Variants in SEPTIN12 observed in about 807,000 individuals in gnomAD.
The protein encoded by SEPTIN12 is septin 12.
SEPTIN12 carries 42 observed loss-of-function variants against 37.7 expected under a neutral mutation model. The ratio of observed to expected loss-of-function variants is 1.11; its 90% CI spans 0.87 to 1.44. SEPTIN12 has a LOEUF of 1.44. SEPTIN12 is among the 40% of genes most tolerant of loss of function. SEPTIN12 has a pLI of 0.00. For missense variants in SEPTIN12, 613 were observed against 479.2 expected, an observed-to-expected ratio of 1.28 and a Z score of -2.61; for synonymous variants, 254 against 196.7, an observed-to-expected ratio of 1.29 and a Z score of -2.44.
At chr16:4,783,619 A>G in intron 6 of SEPTIN12, 30 bp downstream of exon 6, 1 of 1,611,402 alleles carries the variant, frequency 6.2e-7, no homozygotes. Context: ...GCCCCCGCTG[A>G]CCCCAGCCCT....
rs2141878771 is a variant in SEPTIN12 at position 4,786,093 on chromosome 16, A to G, written c.179T>C (p.Leu60Pro). 1 of 1,609,196 alleles carries G rather than the reference A, an allele frequency of 6.2e-7. No homozygotes were observed. The highest frequency in any genetic ancestry group is 8.5e-7 in the Non-Finnish European group (1 of 1,176,850). ...FNIMVVGQSG[L>P]GKSTMVNTLF... ...CGTGTTCACCATCGTGGACTTGCCC[A>G]GCCCGCTTTGCCCTGGGAGTGGCAA... The change falls in exon 3 of 10, where the codon CTG becomes CCG. Residue 60 changes from leucine (L) to proline (P), a missense_variant. Coordinates refer to ENST00000268231, the MANE Select transcript of SEPTIN12 (RefSeq NM_144605.5).
At chr16:4,783,438 G>A (rs753982708) in intron 7 of SEPTIN12, 24 bp downstream of exon 7, 19 of 1,581,438 alleles carry the variant, frequency 1.2e-5, no homozygotes, top group Non-Finnish European at 1.3e-5. Flanking sequence ...CACCTCGCCC[G>A]CCTCCCGCCC....
chr16:4,785,695 T>G (rs1027758495), intron 4 of SEPTIN12, 112 bp downstream of exon 4: 3 of 758,676 alleles, frequency 4.0e-6, no homozygotes, highest in Non-Finnish European at 6.7e-6. Flanking sequence ...GGAGAATCAC[T>G]TGAACCTGGG....
intron 8 of SEPTIN12, among the ~76,000 whole-genome samples, chr16:4,778,962 C>A (rs1032743617): frequency 1.3e-5 from 2 of 151,544 alleles, no homozygotes; most frequent in African/African-American, 4.9e-5. Flanking sequence ...CATAGTGAAA[C>A]CCCGTCTCTC....
Position 4,783,504 on chromosome 16 carries a change from A to C in SEPTIN12, c.684T>G (p.Phe228Leu), listed in dbSNP as rs773741467. The change falls in exon 7 of 10, where the codon TTT becomes TTG. Residue 228 changes from phenylalanine (F) to leucine (L), a missense_variant. By Grantham distance (22) the Phe-to-Leu change is conservative. Transcript: ENST00000268231. ...GGATTTTGTCATTGATGTCCTCGTC[A>C]AAGCACATCTGGGGGTAGACGTCGA... ...HCIDVYPQMC[F>L]DEDINDKILN... is the part of the protein sequence containing the mutation. 6.2e-7 allele frequency: 1 copy of C among 1,614,102 alleles called. No individual in the cohort carries two copies.
In SEPTIN12 at chr16:4,778,054, G is replaced by GC. The variant is rs750589429; in HGVS notation, c.875+31dup. ...GTGGTGTCCCCAGGGCCCCTCGCCA[G>GC]CCCCCTAGCCCCAGGCTCCCCACAC... On this transcript the variant is annotated intron_variant, in intron 9 of 9. Coordinates refer to ENST00000268231, the MANE Select transcript of SEPTIN12 (RefSeq NM_144605.5). The GC allele has an allele frequency of 1.9e-6, 3 of 1,613,328 alleles. No homozygotes were observed. The South Asian group carries it at 3.3e-5, about 18-fold the overall frequency.
At chr16:4,781,943 C>CTTGTTTTTTT in intron 7 of SEPTIN12, among the ~76,000 whole-genome samples, 1 of 47,446 alleles carries the variant, frequency 2.1e-5, no homozygotes, top group South Asian at 8.5e-4. Context: ...CGTGCCCGGC[C>CTTGTTTTTTT]TTTTTTTTTT....
intron 7 of SEPTIN12, among the ~76,000 whole-genome samples, chr16:4,781,975 G>A (rs184860119): frequency 2.0e-5 from 1 of 51,000 alleles, no homozygotes; most frequent in East Asian, 6.1e-4. Context: ...TTTTGAGACA[G>A]GGTCTCACTC....
chr16:4,789,580 C>A (rs912347089), upstream of SEPTIN12, among the ~76,000 whole-genome samples: 3 of 152,174 alleles, frequency 2.0e-5, no homozygotes, highest in Non-Finnish European at 2.9e-5. Flanking sequence ...CCCTCCTCGG[C>A]CTCCCAAAGT....
rs761446766 is a variant in SEPTIN12, at chr16:4,787,434, G to A, written c.166+46C>T. 2.1e-5 allele frequency: 34 copies of A among 1,585,308 alleles called. No homozygotes were observed. The East Asian group carries it at 4.9e-4, about 23-fold the overall frequency. On this transcript the variant is annotated intron_variant, in intron 2 of 9. Transcript: ENST00000268231. ...GGTGAGGCCACACGCCCAGGCACGC[G>A]TAGCACTGTGGGTCTGTCCTGCCGT...
Position 4,777,909 on chromosome 16 carries a change from G to A in SEPTIN12, c.965C>T (p.Pro322Leu). 3 of 1,602,834 alleles carry A rather than the reference G, an allele frequency of 1.9e-6. No individual in the cohort carries two copies. Among genetic ancestry groups the A allele is most frequent in the Non-Finnish European group, 2.6e-6 (3 of 1,175,314 alleles). The change falls in exon 10 of 10, where the codon CCC becomes CTC. Residue 322 changes from proline (P) to leucine (L), a missense_variant. Pro to Leu is a moderately conservative substitution (Grantham distance 98, BLOSUM62 -3). Coordinates refer to ENST00000268231, the MANE Select transcript of SEPTIN12 (RefSeq NM_144605.5). The stretch of plus-strand genomic sequence containing the variant: ...CAGGTTCACCCAGCCGGGCCCGCGG[G>A]GCAGCAGGTGGCTTTCATTGAGTCT... ...VIRLNESHLL[P>L]RGPGWVNLAP...
chr16:4,788,772 G>C (rs2082501321), upstream of SEPTIN12: 1 of 152,258 alleles, frequency 6.6e-6, no homozygotes, highest in African/African-American at 2.4e-5. Flanking sequence ...GCCCTGTGAA[G>C]TAAGTGCTGT....
intron 4 of SEPTIN12, 80 bp downstream of exon 4, chr16:4,785,727 G>A (rs1477884410): frequency 9.7e-6 from 10 of 1,026,720 alleles, no homozygotes; most frequent in South Asian, 3.9e-5. Flanking sequence ...GCAGTGAGCC[G>A]AGATCATGCC....
rs966786265 is a variant in SEPTIN12 at position 4,777,827 on chromosome 16, C to T, written c.1047G>A (p.Gly349=). 3 of 1,581,156 alleles carry T rather than the reference C, an allele frequency of 1.9e-6. No homozygotes were observed. Among genetic ancestry groups the T allele is most frequent in the Admixed American group, 1.9e-5 (1 of 53,644 alleles). Residue 349 remains glycine (G), a synonymous_variant, in exon 10 of 10, where the codon GGG becomes GGA. Coordinates refer to ENST00000268231, the MANE Select transcript of SEPTIN12 (RefSeq NM_144605.5). ...TTPRTFKVCR[G]AHDDSDDEF ...ACTCATCATCAGAATCGTCATGGGC[C>T]CCCCTGCAGACCTTGAAGGTCCGGG...
At position 4,783,552 on chromosome 16, in the gene SEPTIN12, C is replaced by A; in HGVS notation, c.636G>T (p.Gln212His). 6.2e-7 allele frequency: 1 copy of A among 1,614,088 alleles called. No homozygotes were observed. The change falls in exon 7 of 10, where the codon CAG (glutamine) becomes CAT (histidine). Residue 212 changes from glutamine to histidine, a missense_variant. By Grantham distance (24) the Gln-to-His change is conservative. Transcript: ENST00000268231. ...EEREAFRRRI[Q>H]QNLRTHCIDV... ...CGATGCAGTGGGTCCTCAGGTTCTG[C>A]TGGATCTGGAGATCCCACACAGGTG...
chr16:4,783,698 G>T lies in SEPTIN12; in HGVS notation c.581C>A (p.Ala194Asp). The T allele has an allele frequency of 6.2e-7, 1 of 1,614,068 alleles. No homozygotes were observed. Among genetic ancestry groups the T allele is most frequent in the Non-Finnish European group, 8.5e-7 (1 of 1,180,014 alleles). ...CRTVNVVPVI[A>D]RADSLTMEER... ...CTCCATGGTCAGGCTGTCGGCCCTG[G>T]CAATCACGGGCACCACATTCACAGT... The change falls in exon 6 of 10, where the codon GCC becomes GAC. Residue 194 changes from alanine (A) to aspartate (D), a missense_variant. Physicochemically the swap from Ala to Asp is moderately radical, Grantham distance 126. Transcript: ENST00000268231.
chr16:4,783,294 G>C, intron 7 of SEPTIN12, 168 bp downstream of exon 7: 1 of 636,468 alleles, frequency 1.6e-6, no homozygotes, highest in Admixed American at 2.6e-5. Context: ...GGTTGTTAGT[G>C]TGAGCTGTTA....
At position 4,777,795 on chromosome 16, in the gene SEPTIN12, G is replaced by T; in HGVS notation, c.*2C>A. 6.5e-7 allele frequency: 1 copy of T among 1,541,566 alleles called. No individual in the cohort carries two copies. ...CCCAGCAGCCCCGGGATCCGCCGGT[G>T]GTCAGAACTCATCATCAGAATCGTC... On this transcript the variant is annotated 3_prime_UTR_variant, in exon 10 of 10. Transcript: ENST00000268231.
intron 7 of SEPTIN12, 188 bp downstream of exon 7, chr16:4,783,274 C>T (rs989687515): frequency 9.8e-6 from 6 of 611,954 alleles, no homozygotes; most frequent in East Asian, 2.8e-5. Context: ...ACATTTTCTC[C>T]GATTCTGTGG....
Sources: allele counts gnomAD v4.1 joint callset (sites outside exome capture counted in the v4.1 genomes callset), GRCh38; gene constraint gnomAD v4.1.1; transcripts MANE v1.5; gene names NCBI Gene and HGNC (gene_info 2026-07-23, HGNC 2026-07-21).